Variants in KHDRBS2 observed in about 807,000 individuals in gnomAD.
The protein encoded by KHDRBS2 is KH domain-containing, RNA-binding, signal transduction-associated protein 2.
KHDRBS2 carries 26 observed loss-of-function variants against 44.3 expected under a neutral mutation model. The observed-to-expected ratio is 0.59, with a 90% CI of 0.43 to 0.81. The LOEUF is 0.81. Among genes scored for constraint, KHDRBS2 ranks in the 40% least tolerant of loss-of-function variants. KHDRBS2 has a pLI of 0.00. For missense variants in KHDRBS2, 476 were observed against 433.1 expected, an observed-to-expected ratio of 1.10 and a Z score of -0.88; for synonymous variants, 194 against 151.1, an observed-to-expected ratio of 1.28 and a Z score of -2.08.
intron 6 of KHDRBS2, among the ~76,000 whole-genome samples, chr6:61,851,291 GTGTGTATATATA>G (rs1795376644): frequency 6.6e-6 from 1 of 151,914 alleles, no homozygotes; most frequent in Admixed American, 6.6e-5. Flanking sequence ...ATATGTGTGT[GTGTGTATATATA>G]TGTGTATATA....
chr6:61,860,670 C>A (rs1215541919), intron 6 of KHDRBS2, among the ~76,000 whole-genome samples: 1 of 151,968 alleles, frequency 6.6e-6, no homozygotes, highest in South Asian at 2.1e-4. Flanking sequence ...AATAATGCTG[C>A]AGTGGACATA....
At chr6:62,015,175 T>C (rs569546361) in intron 3 of KHDRBS2, among the ~76,000 whole-genome samples, 26 of 152,336 alleles carry the variant, frequency 1.7e-4, no homozygotes, top group African/African-American at 6.0e-4. Context: ...GGTTCAATGA[T>C]ATTTTAAGGT....
intron 6 of KHDRBS2, among the ~76,000 whole-genome samples, chr6:61,769,811 C>T (rs1233648952): frequency 6.6e-6 from 1 of 152,208 alleles, no homozygotes; most frequent in Admixed American, 6.5e-5. Context: ...ACTTAAATGT[C>T]CCTCTCTGAC....
chr6:62,058,643 T>C (rs983402749), intron 2 of KHDRBS2, among the ~76,000 whole-genome samples: 19 of 151,832 alleles, frequency 1.3e-4, no homozygotes, highest in African/African-American at 4.6e-4. Context: ...GTACCAATCA[T>C]CAAAAAACAT....
At chr6:62,035,444 A>T (rs778552216) in intron 3 of KHDRBS2, among the ~76,000 whole-genome samples, 1 of 151,972 alleles carries the variant, frequency 6.6e-6, no homozygotes, top group Non-Finnish European at 1.5e-5. Flanking sequence ...GAAAATGAAA[A>T]CAACTGAACT....
At chr6:62,212,903 G>T (rs1275136581) in intron 1 of KHDRBS2, among the ~76,000 whole-genome samples, 1 of 151,982 alleles carries the variant, frequency 6.6e-6, no homozygotes, top group Non-Finnish European at 1.5e-5. Context: ...AGAGGGAAGG[G>T]GGTGCATAAC....
the KHDRBS2 span, among the ~76,000 whole-genome samples, chr6:61,663,422 A>T: frequency 7.0e-6 from 1 of 142,004 alleles, no homozygotes; most frequent in Non-Finnish European, 1.5e-5. Flanking sequence ...TAAATTAAAA[A>T]AATAAAAATA....
At chr6:62,094,209 G>A (rs550816836) in intron 2 of KHDRBS2, among the ~76,000 whole-genome samples, 1 of 151,554 alleles carries the variant, frequency 6.6e-6, no homozygotes, top group African/African-American at 2.4e-5. Context: ...TGTTACATTT[G>A]GATTTTGTAA....
chr6:61,717,737 A>G (rs928582788), intron 7 of KHDRBS2, among the ~76,000 whole-genome samples: 2 of 152,122 alleles, frequency 1.3e-5, no homozygotes, highest in Admixed American at 1.3e-4. Flanking sequence ...AAGGACTTAC[A>G]TTAAACATAT....
At chr6:62,157,891 TTGA>T (rs1197074546) in intron 2 of KHDRBS2, among the ~76,000 whole-genome samples, 1 of 152,214 alleles carries the variant, frequency 6.6e-6, no homozygotes, top group African/African-American at 2.4e-5. Context: ...TTCTTCAATC[TTGA>T]TGCATTTTCA....
intron 8 of KHDRBS2, among the ~76,000 whole-genome samples, chr6:61,685,246 A>T (rs1766697048): frequency 6.6e-6 from 1 of 151,794 alleles, no homozygotes; most frequent in East Asian, 1.9e-4. Flanking sequence ...TATCTAAGAG[A>T]ATTCACTTTC....
chr6:61,854,911 T>A (rs1265821416), intron 6 of KHDRBS2, among the ~76,000 whole-genome samples: 1 of 152,146 alleles, frequency 6.6e-6, no homozygotes, highest in African/African-American at 2.4e-5. Flanking sequence ...AGACCATATA[T>A]CTTCTGTGCT....
chr6:61,697,542 G>A (rs1768045800), intron 7 of KHDRBS2, among the ~76,000 whole-genome samples: 1 of 151,940 alleles, frequency 6.6e-6, no homozygotes, highest in Admixed American at 6.6e-5. Context: ...GTCAAGAAGA[G>A]AGTTATAAAA....
intron 6 of KHDRBS2, among the ~76,000 whole-genome samples, chr6:61,848,378 A>G (rs749742867): frequency 6.8e-6 from 1 of 147,018 alleles, no homozygotes; most frequent in East Asian, 2.0e-4. Context: ...GCAATGTTGC[A>G]TGTCCAACAC....
intron 1 of KHDRBS2, among the ~76,000 whole-genome samples, chr6:62,244,261 T>C (rs910933120): frequency 2.0e-5 from 3 of 152,132 alleles, no homozygotes; most frequent in African/African-American, 7.2e-5. Context: ...TATTTTTCTA[T>C]ACTTAAAAAA....
chr6:61,871,201 C>T (rs927544208), intron 6 of KHDRBS2, among the ~76,000 whole-genome samples: 2 of 152,080 alleles, frequency 1.3e-5, no homozygotes, highest in Non-Finnish European at 2.9e-5. Flanking sequence ...ATGAGAACTT[C>T]GTCAAGCATA....
At chr6:61,860,679 T>C (rs1218812695) in intron 6 of KHDRBS2, among the ~76,000 whole-genome samples, 4 of 152,094 alleles carry the variant, frequency 2.6e-5, no homozygotes, top group Non-Finnish European at 5.9e-5. Context: ...GCAGTGGACA[T>C]ATGCATGCAT....
At chr6:62,072,745 T>G (rs377090379) in intron 2 of KHDRBS2, among the ~76,000 whole-genome samples, 5 of 151,964 alleles carry the variant, frequency 3.3e-5, no homozygotes, top group East Asian at 1.9e-4. Flanking sequence ...CGGTTTGCCA[T>G]TATTTTATTG....
intron 6 of KHDRBS2, among the ~76,000 whole-genome samples, chr6:61,885,922 T>G (rs761083816): frequency 1.3e-5 from 2 of 152,100 alleles, no homozygotes. Flanking sequence ...AACATAACTT[T>G]GAGTGAGGCC....
Sources: allele counts gnomAD v4.1 joint callset (sites outside exome capture counted in the v4.1 genomes callset), GRCh38; gene constraint gnomAD v4.1.1; transcripts MANE v1.5; gene names NCBI Gene and HGNC (gene_info 2026-07-23, HGNC 2026-07-21).